Variants in LMTK2 observed in about 807,000 individuals in gnomAD.
The protein encoded by LMTK2 is serine/threonine-protein kinase LMTK2.
A neutral mutation model predicts 127.5 loss-of-function variants in LMTK2; 37 were observed. The observed-to-expected ratio is 0.29, with a 90% CI of 0.22 to 0.38. The LOEUF is 0.38. Ranked by LOEUF, LMTK2 falls within the 10% of genes least tolerant of loss-of-function variation. The pLI, the probability that LMTK2 is intolerant of heterozygous loss-of-function variation, is 1.00. For missense variants in LMTK2, 1,694 were observed against 1,920.3 expected (o/e 0.88, Z 2.20); for synonymous variants, 819 against 810.1 (o/e 1.01, Z -0.19).
At chr7:98,123,246 C>G (rs961386828) in intron 1 of LMTK2, among the ~76,000 whole-genome samples, 1 of 152,220 alleles carries the variant, frequency 6.6e-6, no homozygotes, top group Non-Finnish European at 1.5e-5. Flanking sequence ...TATTCACACA[C>G]ATACGTGCAT....
rs1430403305 is a variant in LMTK2 at position 98,185,015 on chromosome 7, ATTC to A, written c.792-30_792-28del. 11 of 1,482,812 alleles carry A rather than the reference ATTC, an allele frequency of 7.4e-6. No individual in the cohort carries two copies. In the African/African-American group the frequency reaches 1.4e-4, roughly 19 times the overall value. The allele number at this position is 1,482,812 out of a possible 1,614,324, so 91.9% of individuals were successfully genotyped here. On this transcript the variant is annotated intron_variant, in intron 7 of 13. Transcript: ENST00000297293. ...CCATACAGCATGATCCTGGTTGTTG[ATTC>A]TTCTTGCCATGTTCACTTCCCTCTG...
chr7:98,139,532 G>C (rs1331604002), intron 2 of LMTK2, among the ~76,000 whole-genome samples: 1 of 152,158 alleles, frequency 6.6e-6, no homozygotes, highest in Non-Finnish European at 1.5e-5. Flanking sequence ...TAAGGTAGGA[G>C]TGATGGACAA....
In LMTK2 at chr7:98,117,432, C is replaced by T. The variant is rs560347033; in HGVS notation, c.103+10152C>T. Reference sequence around the variant, plus strand: ...ATGCATGGATATTTATTTTATACTTCGAGTTGATTCCACAGTGTTGTTTAT... The same window carrying T: ...ATGCATGGATATTTATTTTATACTTTGAGTTGATTCCACAGTGTTGTTTAT... On this transcript the variant is annotated intron_variant, in intron 1 of 13. Coordinates refer to ENST00000297293, the MANE Select transcript of LMTK2 (RefSeq NM_014916.4). 2.6e-5 allele frequency among the ~76,000 whole-genome samples: 4 copies of T among 152,260 alleles called. 1 individual carries two copies. The highest frequency in any genetic ancestry group is 9.6e-5 in the African/African-American group (4 of 41,558).
At chr7:98,147,581 T>C (rs1796792975) in intron 3 of LMTK2, among the ~76,000 whole-genome samples, 1 of 152,150 alleles carries the variant, frequency 6.6e-6, no homozygotes, top group African/African-American at 2.4e-5. Flanking sequence ...CTGTTTCCTT[T>C]TCTTTCTCAC....
chr7:98,171,436 T>G lies in LMTK2; in HGVS notation c.658-105T>G, dbSNP rs923931079. On this transcript the variant is annotated intron_variant, in intron 6 of 13. Coordinates refer to ENST00000297293, the MANE Select transcript of LMTK2 (RefSeq NM_014916.4). This position sits in a 1 kb window ranked among gnomAD's most constrained non-coding sequence, Gnocchi z 5.1. ...TTCTTTAAGTATGAACAAAAGAAGT[T>G]TCTAATAAATAATCTTAACAGTTAG... 3.8e-5 allele frequency: 55 copies of G among 1,450,530 alleles called. No homozygotes were observed. The highest frequency in any genetic ancestry group is 2.1e-4 in the Admixed American group (12 of 58,520). The allele number at this position is 1,450,530 out of a possible 1,614,324, so 89.9% of individuals were successfully genotyped here.
At chr7:98,178,270 G>GGT (rs1044240504) in intron 7 of LMTK2, among the ~76,000 whole-genome samples, 3 of 152,220 alleles carry the variant, frequency 2.0e-5, no homozygotes, top group African/African-American at 7.2e-5. Flanking sequence ...ACATAATAGA[G>GGT]GTGTGGATTA....
chr7:98,171,253 A>G lies in LMTK2; in HGVS notation c.658-288A>G, dbSNP rs1216739003. 2.0e-5 allele frequency among the ~76,000 whole-genome samples: 3 copies of G among 152,018 alleles called. No individual in the cohort carries two copies. Among genetic ancestry groups the G allele is most frequent in the Non-Finnish European group, 4.4e-5 (3 of 68,012 alleles). On this transcript the variant is annotated intron_variant, in intron 6 of 13. Transcript: ENST00000297293. This position sits in a 1 kb window ranked among gnomAD's most constrained non-coding sequence, Gnocchi z 5.1. ...CCTAGGTAACCTGGGAGTTTCTCTAATTCTACACAGCATTTAGTTTAAATG... is the reference window on the plus strand; with the variant it reads ...CCTAGGTAACCTGGGAGTTTCTCTAGTTCTACACAGCATTTAGTTTAAATG...
chr7:98,131,086 C>T (rs1350925218), intron 1 of LMTK2, among the ~76,000 whole-genome samples: 5 of 152,204 alleles, frequency 3.3e-5, no homozygotes, highest in Admixed American at 2.0e-4. Context: ...TGCCCCCGTC[C>T]ACTTTCTCCA....
intron 6 of LMTK2, among the ~76,000 whole-genome samples, chr7:98,167,623 C>T (rs772791184): frequency 2.0e-5 from 3 of 152,190 alleles, no homozygotes; most frequent in Admixed American, 6.5e-5. Flanking sequence ...ACTTGGAAAA[C>T]GGCGATGCCA....
intron 2 of LMTK2, among the ~76,000 whole-genome samples, chr7:98,140,147 CTTTTCTTTTCTTTTCTTTT>C (rs1796665436): frequency 1.1e-4 from 7 of 62,714 alleles, no homozygotes; most frequent in Non-Finnish European, 1.3e-4. Context: ...TCTTTCTTTT[CTTTTCTTTTCTTTTCTTTT>C]CTTTTCTTTC....
chr7:98,137,555 T>TGGAAAG, intron 2 of LMTK2, 113 bp downstream of exon 2: 1 of 923,414 alleles, frequency 1.1e-6, no homozygotes, highest in Non-Finnish European at 1.6e-6. Context: ...TTTCTTCCCC[T>TGGAAAG]AATGGCCAAA....
chr7:98,187,105 A>G, intron 9 of LMTK2, 107 bp downstream of exon 9: 3 of 1,012,532 alleles, frequency 3.0e-6, no homozygotes, highest in Non-Finnish European at 4.3e-6. Flanking sequence ...ATGTAGGAAC[A>G]AAAGAGTATC....
Position 98,154,846 on chromosome 7 carries a change from A to G in LMTK2, c.539A>G (p.Asp180Gly), listed in dbSNP as rs778445546. 21 of 1,612,330 alleles carry G rather than the reference A, an allele frequency of 1.3e-5. No homozygotes were observed. Among genetic ancestry groups the G allele is most frequent in the Non-Finnish European group, 1.8e-5 (21 of 1,178,446 alleles). ...LKASANPKEQ[D>G]TFLKNGEPYY... ...GCAAGTGCCAACCCAAAGGAACAAG[A>G]TACTTTTTTGAAAAATGGAGAACCT... Residue 180 changes from aspartate to glycine, a missense_variant, in exon 5 of 14, where the codon GAT becomes GGT. By Grantham distance (94) the Asp-to-Gly change is moderately conservative. Transcript: ENST00000297293.
Position 98,190,651 on chromosome 7 carries a change from G to A in LMTK2, c.999-77G>A, listed in dbSNP as rs1333660971. The A allele has an allele frequency of 2.3e-6, 3 of 1,287,598 alleles. No homozygotes were observed. The African/African-American group carries it at 4.4e-5, about 19-fold the overall frequency. 79.8% of individuals were successfully genotyped at this position (1,287,598 alleles called of 1,614,324 possible). A position where few individuals can be genotyped will look rare whatever the true frequency, so the allele number is the denominator to read the frequency against. Reference sequence around the variant, plus strand: ...TACACACCTTGTCCTTAAAATTACTGGCTATGTAACAAGTATGAGTGTTAA... The same window carrying A: ...TACACACCTTGTCCTTAAAATTACTAGCTATGTAACAAGTATGAGTGTTAA... On this transcript the variant is annotated intron_variant, in intron 9 of 13. Transcript: ENST00000297293.
At position 98,205,507 on chromosome 7, in the gene LMTK2, G is replaced by A. The variant is rs1235038597; in HGVS notation, c.*15G>A. ...AAAAGGACTAGGTGGCTGCCAACGC[G>A]CACGCTCGGGTCCGAGGCTGCTCCC... On this transcript the variant is annotated 3_prime_UTR_variant, in exon 14 of 14. Transcript: ENST00000297293. The A allele has an allele frequency of 5.0e-6, 8 of 1,611,902 alleles. No individual in the cohort carries two copies. Among genetic ancestry groups the A allele is most frequent in the Non-Finnish European group, 6.8e-6 (8 of 1,179,858 alleles).
intron 4 of LMTK2, among the ~76,000 whole-genome samples, chr7:98,153,508 C>T (rs1796886252): frequency 1.3e-5 from 2 of 152,098 alleles, no homozygotes; most frequent in South Asian, 4.1e-4. Flanking sequence ...TACATCCTTG[C>T]GTGGAATGGA....
At chr7:98,162,014 T>C (rs192916360) in intron 6 of LMTK2, among the ~76,000 whole-genome samples, 1 of 152,356 alleles carries the variant, frequency 6.6e-6, no homozygotes, top group African/African-American at 2.4e-5. Flanking sequence ...ATTTTAGCAT[T>C]TTCCAGTTCT....
chr7:98,156,569 A>G (rs182886417), intron 5 of LMTK2, among the ~76,000 whole-genome samples: 8 of 152,218 alleles, frequency 5.3e-5, no homozygotes, highest in African/African-American at 1.4e-4. Flanking sequence ...ATGTAAAATG[A>G]TAGAGCCACT....
chr7:98,197,180 A>T (rs1043329645), intron 11 of LMTK2, among the ~76,000 whole-genome samples: 6 of 152,252 alleles, frequency 3.9e-5, no homozygotes, highest in African/African-American at 1.4e-4. Flanking sequence ...AGGCTGGTGA[A>T]CAGTCTGTGG....
Sources: allele counts gnomAD v4.1 joint callset (sites outside exome capture counted in the v4.1 genomes callset), GRCh38; gene constraint gnomAD v4.1.1; non-coding constraint Gnocchi (gnomAD v3.1); transcripts MANE v1.5; gene names NCBI Gene and HGNC (gene_info 2026-07-23, HGNC 2026-07-21).